The following CNTNAP5 variants were observed in gnomAD, a reference collection of about 807,000 sequenced individuals.
CNTNAP5 encodes contactin-associated protein-like 5.
In CNTNAP5, 72 loss-of-function variants were observed where a neutral mutation model predicts 150.2. The observed-to-expected ratio is 0.48, with a 90% CI of 0.40 to 0.58. The LOEUF (loss-of-function observed/expected upper bound fraction) is 0.58. CNTNAP5 is among the 20% of genes least tolerant of loss of function. The pLI is 0.00. For synonymous variants in CNTNAP5, 672 were observed against 619.8 expected, an observed-to-expected ratio of 1.08 and a Z score of -1.25; for missense variants, 1,636 against 1,626.2, an observed-to-expected ratio of 1.01 and a Z score of -0.10.
chr2:124,499,423 AG>A (rs1213095759), intron 7 of CNTNAP5, among the ~76,000 whole-genome samples: 1 of 152,222 alleles, frequency 6.6e-6, no homozygotes, highest in Non-Finnish European at 1.5e-5. Flanking sequence ...CAAGCCCAGA[AG>A]GCTTGCTGGG....
chr2:124,708,053 GC>G, intron 13 of CNTNAP5, among the ~76,000 whole-genome samples: 1 of 152,302 alleles, frequency 6.6e-6, no homozygotes, highest in South Asian at 2.1e-4. Context: ...GTTCACTGTT[GC>G]TTTCTAAATC....
At chr2:124,642,573 A>G (rs1678115636) in intron 12 of CNTNAP5, among the ~76,000 whole-genome samples, 2 of 152,188 alleles carry the variant, frequency 1.3e-5, no homozygotes, top group South Asian at 4.1e-4. Context: ...TTCACTGCGC[A>G]GGGCTCTCTA....
chr2:124,502,779 A>AT (rs902108875), intron 7 of CNTNAP5, among the ~76,000 whole-genome samples: 12 of 151,586 alleles, frequency 7.9e-5, no homozygotes, highest in South Asian at 2.1e-4. Context: ...AAGTTGGTGG[A>AT]TTTTTTTTTA....
intron 3 of CNTNAP5, among the ~76,000 whole-genome samples, chr2:124,365,796 A>C (rs1304837715): frequency 1.3e-5 from 2 of 152,248 alleles, no homozygotes; most frequent in Non-Finnish European, 2.9e-5. Context: ...CCGTTTCATA[A>C]CAGTATGTTA....
intron 5 of CNTNAP5, 127 bp downstream of exon 5, chr2:124,434,814 G>C: frequency 2.6e-6 from 2 of 779,324 alleles, no homozygotes; most frequent in South Asian, 1.8e-5. Context: ...GATATTGGTG[G>C]GGATAGAAAT....
intron 1 of CNTNAP5, among the ~76,000 whole-genome samples, chr2:124,167,811 T>G (rs1293809095): frequency 6.6e-6 from 1 of 152,140 alleles, no homozygotes; most frequent in Admixed American, 6.6e-5. Context: ...TGATTCTTCA[T>G]GCCTGAAATC....
chr2:124,051,006 C>T (rs1450314733), intron 1 of CNTNAP5, among the ~76,000 whole-genome samples: 1 of 152,104 alleles, frequency 6.6e-6, no homozygotes, highest in Non-Finnish European at 1.5e-5. Flanking sequence ...TAAATGTCCA[C>T]AGTTAAAACC....
At chr2:124,473,905 C>A (rs532118124) in intron 6 of CNTNAP5, among the ~76,000 whole-genome samples, 1 of 151,988 alleles carries the variant, frequency 6.6e-6, no homozygotes, top group Non-Finnish European at 1.5e-5. Flanking sequence ...AAGAAAACCG[C>A]TAGTATCTCA....
chr2:124,704,136 G>A (rs1406191974), intron 13 of CNTNAP5, among the ~76,000 whole-genome samples: 1 of 152,172 alleles, frequency 6.6e-6, no homozygotes, highest in African/African-American at 2.4e-5. Flanking sequence ...TCTTTATGAA[G>A]ATAACATACC....
chr2:124,031,946 G>A (rs992205479), intron 1 of CNTNAP5, among the ~76,000 whole-genome samples: 2 of 152,104 alleles, frequency 1.3e-5, no homozygotes, highest in African/African-American at 2.4e-5. Context: ...AGATTTAAAT[G>A]TTAATAGTTT....
chr2:124,278,562 A>G lies in CNTNAP5; in HGVS notation c.381+36169A>G, dbSNP rs138346209. Among the ~76,000 whole-genome samples the G allele has an allele frequency of 1.5e-3, 231 of 152,272 alleles. 1 individual carries two copies. Among genetic ancestry groups the G allele is most frequent in the African/African-American group, 5.5e-3 (227 of 41,566 alleles). ...GCAAATTAGTAGACATTTTGAGCAA[A>G]CAAGCCTCATGTGGATGATGCAGTA... On this transcript the variant is annotated intron_variant, in intron 3 of 23. Transcript: ENST00000682447.
chr2:124,162,987 AAAAAG>A (rs1684722883), intron 1 of CNTNAP5, among the ~76,000 whole-genome samples: 1 of 152,138 alleles, frequency 6.6e-6, no homozygotes, highest in African/African-American at 2.4e-5. Flanking sequence ...GAAGTTGACA[AAAAAG>A]GGGACCTCAA....
chr2:124,487,769 C>T (rs1693921518), intron 7 of CNTNAP5, among the ~76,000 whole-genome samples: 1 of 152,080 alleles, frequency 6.6e-6, no homozygotes. Flanking sequence ...CTTATGATGA[C>T]TGGCAAAGAC....
At chr2:124,876,404 A>G (rs761369131) in intron 21 of CNTNAP5, among the ~76,000 whole-genome samples, 11 of 151,286 alleles carry the variant, frequency 7.3e-5, no homozygotes, top group Non-Finnish European at 1.5e-4. Context: ...AGAAAGATCA[A>G]CAATGATCTA....
At chr2:124,316,827 A>AAG (rs1432104955) in intron 3 of CNTNAP5, among the ~76,000 whole-genome samples, 8 of 147,866 alleles carry the variant, frequency 5.4e-5, no homozygotes, top group Admixed American at 6.7e-5. Flanking sequence ...AAAAAAAAAA[A>AAG]AGAAAAAGAA....
chr2:124,567,862 T>TAGATAGATAGATAGATAG lies in CNTNAP5; in HGVS notation c.1756+4541_1756+4558dup, dbSNP rs1553480441. Among the ~76,000 whole-genome samples the TAGATAGATAGATAGATAG allele has an allele frequency of 2.2e-3, 277 of 128,154 alleles. 2 individuals are homozygous for TAGATAGATAGATAGATAG. Among genetic ancestry groups the TAGATAGATAGATAGATAG allele is most frequent in the South Asian group, 0.014 (53 of 3,720 alleles). 84.1% of individuals were successfully genotyped at this position (128,154 alleles called of 152,430 possible). On this transcript the variant is annotated intron_variant, in intron 11 of 23. Coordinates refer to ENST00000682447, the MANE Select transcript of CNTNAP5 (RefSeq NM_001367498.1). ...ATAGATAGATAGATAGATAGATAGA[T>TAGATAGATAGATAGATAG]AGATAGATAGATAGATAGATATAGA...
At chr2:124,713,380 T>C (rs1416071421) in intron 13 of CNTNAP5, among the ~76,000 whole-genome samples, 1 of 134,548 alleles carries the variant, frequency 7.4e-6, no homozygotes, top group African/African-American at 2.8e-5. Flanking sequence ...TCTTTCTTTC[T>C]TCTCCCTCTT....
At chr2:124,248,939 A>T (rs1443433572) in intron 3 of CNTNAP5, among the ~76,000 whole-genome samples, 1 of 152,304 alleles carries the variant, frequency 6.6e-6, no homozygotes, top group African/African-American at 2.4e-5. Flanking sequence ...CTGCTATTAA[A>T]TTAATCTTAT....
intron 3 of CNTNAP5, among the ~76,000 whole-genome samples, chr2:124,329,832 A>G (rs774549084): frequency 4.6e-5 from 7 of 152,190 alleles, no homozygotes; most frequent in Admixed American, 6.5e-5. Flanking sequence ...GGCACAGAGG[A>G]AAAACAATGG....
Sources: allele counts gnomAD v4.1 joint callset (sites outside exome capture counted in the v4.1 genomes callset), GRCh38; gene constraint gnomAD v4.1.1; transcripts MANE v1.5; gene names NCBI Gene and HGNC (gene_info 2026-07-23, HGNC 2026-07-21).